MYO10: variants seen among roughly 807,000 people sequenced by gnomAD.
The protein encoded by MYO10 is myosin X.
Under a neutral mutation model 257.3 loss-of-function variants are expected in MYO10, and 133 were observed. That is an observed-to-expected ratio of 0.52 (90% confidence interval 0.45 to 0.60). MYO10 has a LOEUF of 0.60. MYO10 is among the 20% of genes least tolerant of loss of function. The pLI, the probability that MYO10 is intolerant of heterozygous loss-of-function variation, is 0.00. For missense variants in MYO10, 2,399 were observed against 2,635.7 expected, an observed-to-expected ratio of 0.91 and a Z score of 1.97; for synonymous variants, 1,104 against 1,028.6, an observed-to-expected ratio of 1.07 and a Z score of -1.40.
At chr5:16,672,270 G>A (rs1736501053) in intron 37 of MYO10, among the ~76,000 whole-genome samples, 1 of 136,668 alleles carries the variant, frequency 7.3e-6, no homozygotes, top group African/African-American at 2.8e-5. Flanking sequence ...ACTTCAGCCT[G>A]GGCAACAGAG....
At chr5:16,817,873 TG>T in intron 3 of MYO10, 135 bp downstream of exon 3, 1 of 828,532 alleles carries the variant, frequency 1.2e-6, no homozygotes, top group Non-Finnish European at 1.7e-6. Context: ...GTTTCTAATG[TG>T]GCAAATCCCT....
In MYO10 at chr5:16,823,446, C is replaced by CAG. The variant is rs1554000155; in HGVS notation, c.121-5280_121-5279insCT. 4.3e-3 allele frequency among the ~76,000 whole-genome samples: 18 copies of CAG among 4,190 alleles called. 1 individual carries two copies. Among genetic ancestry groups the CAG allele is most frequent in the Non-Finnish European group, 9.1e-3 (16 of 1,750 alleles). The allele number at this position is 4,190 out of a possible 152,430, so 2.7% of individuals were successfully genotyped here. On this transcript the variant is annotated intron_variant, in intron 2 of 40. Coordinates refer to ENST00000513610, the MANE Select transcript of MYO10 (RefSeq NM_012334.3). ...GATGACAGGGCAAGACTCCATCTTG[C>CAG]GCGGGGGGGGGGGGAGTGGGGATTT...
intron 22 of MYO10, among the ~76,000 whole-genome samples, chr5:16,703,475 C>T (rs1383241895): frequency 6.6e-6 from 1 of 152,176 alleles, no homozygotes; most frequent in African/African-American, 2.4e-5. Flanking sequence ...CTGATATATT[C>T]TCCTGTTCAT....
At chr5:16,873,115 C>T (rs1383822062) in intron 2 of MYO10, among the ~76,000 whole-genome samples, 1 of 152,166 alleles carries the variant, frequency 6.6e-6, no homozygotes, top group African/African-American at 2.4e-5. Flanking sequence ...AAGTCCCTTC[C>T]ACCTATGAGC....
At chr5:16,676,703 G>A (rs151014393) in intron 33 of MYO10, among the ~76,000 whole-genome samples, 1,938 of 152,154 alleles carry the variant, frequency 0.013, 16 homozygotes, top group Middle Eastern at 0.027. Context: ...CTGACAGAGC[G>A]AGACTCCGTC....
chr5:16,808,755 T>C (rs1299794288), intron 3 of MYO10, among the ~76,000 whole-genome samples: 1 of 152,198 alleles, frequency 6.6e-6, no homozygotes, highest in Non-Finnish European at 1.5e-5. Flanking sequence ...CACTGCAACC[T>C]TCTCCTCCCA....
intron 1 of MYO10, among the ~76,000 whole-genome samples, chr5:16,898,287 C>T (rs373475129): frequency 6.6e-6 from 1 of 151,984 alleles, no homozygotes; most frequent in African/African-American, 2.4e-5. Flanking sequence ...GGTAAGATTA[C>T]TTTTAATATT....
chr5:16,841,113 C>T (rs1458492802), intron 2 of MYO10, among the ~76,000 whole-genome samples: 1 of 151,134 alleles, frequency 6.6e-6, no homozygotes. Context: ...CCATTGCACT[C>T]CAGCCTGGGC....
chr5:16,673,456 T>A (rs565808691), intron 36 of MYO10, among the ~76,000 whole-genome samples: 1 of 152,290 alleles, frequency 6.6e-6, no homozygotes, highest in East Asian at 1.9e-4. Context: ...TTAGCAAGAT[T>A]ATGTCTCAGG....
intron 28 of MYO10, among the ~76,000 whole-genome samples, chr5:16,688,279 TA>T (rs1229867559): frequency 6.6e-6 from 1 of 152,164 alleles, no homozygotes; most frequent in African/African-American, 2.4e-5. Flanking sequence ...TGGGAAGAAT[TA>T]TTTTCTGGTG....
At chr5:16,792,124 CACACACACAG>C (rs1432865785) in intron 4 of MYO10, among the ~76,000 whole-genome samples, 6 of 120,384 alleles carry the variant, frequency 5.0e-5, no homozygotes, top group South Asian at 2.9e-4. Flanking sequence ...CACACACACA[CACACACACAG>C]AGAGAGAGAG....
intron 3 of MYO10, among the ~76,000 whole-genome samples, chr5:16,808,111 C>T (rs1192464146): frequency 6.6e-6 from 1 of 152,190 alleles, no homozygotes; most frequent in Non-Finnish European, 1.5e-5. Flanking sequence ...TCTTCTAGTG[C>T]TTTATGCCCA....
At chr5:16,869,191 ATTTTTT>A (rs70943814) in intron 2 of MYO10, among the ~76,000 whole-genome samples, 8 of 115,864 alleles carry the variant, frequency 6.9e-5, no homozygotes, top group South Asian at 3.1e-4. Flanking sequence ...CACCCGGCTA[ATTTTTT>A]TTTTTTTTTT....
chr5:16,731,644 A>T (rs558079327), intron 19 of MYO10, among the ~76,000 whole-genome samples: 3 of 152,202 alleles, frequency 2.0e-5, no homozygotes, highest in Non-Finnish European at 4.4e-5. Context: ...CCACCACGCC[A>T]GGCCAAAACA....
intron 28 of MYO10, among the ~76,000 whole-genome samples, chr5:16,686,802 C>T (rs1285369237): frequency 6.6e-6 from 1 of 152,008 alleles, no homozygotes; most frequent in East Asian, 1.9e-4. Context: ...GCTGGGATTA[C>T]AGGCATGAGC....
intron 2 of MYO10, among the ~76,000 whole-genome samples, chr5:16,846,283 T>G (rs1474820020): frequency 6.6e-6 from 1 of 152,214 alleles, no homozygotes; most frequent in East Asian, 1.9e-4. Flanking sequence ...TGGATGAAGT[T>G]TCCTGCCTGC....
At chr5:16,890,329 C>T (rs1745015563) in intron 1 of MYO10, among the ~76,000 whole-genome samples, 1 of 151,774 alleles carries the variant, frequency 6.6e-6, no homozygotes, top group Non-Finnish European at 1.5e-5. Flanking sequence ...TTTGGCAGTT[C>T]CTCAAAAAGT....
At chr5:16,709,961 C>T (rs115996441) in intron 21 of MYO10, among the ~76,000 whole-genome samples, 2,077 of 152,350 alleles carry the variant, frequency 0.014, 14 homozygotes, top group Middle Eastern at 0.02. Flanking sequence ...TACTTTTCAT[C>T]AATCTCACAT....
chr5:16,674,112 T>C (rs1579796368), intron 35 of MYO10, among the ~76,000 whole-genome samples: 1 of 152,202 alleles, frequency 6.6e-6, no homozygotes, highest in African/African-American at 2.4e-5. Context: ...GGAGCAACTG[T>C]GCTGCCAACT....
Sources: allele counts gnomAD v4.1 joint callset (sites outside exome capture counted in the v4.1 genomes callset), GRCh38; gene constraint gnomAD v4.1.1; transcripts MANE v1.5; gene names NCBI Gene and HGNC (gene_info 2026-07-23, HGNC 2026-07-21).